The following PKHD1 variants were observed in gnomAD, a reference collection of about 807,000 sequenced individuals.
PKHD1 encodes PKHD1 ciliary IPT domain containing fibrocystin/polyductin.
In PKHD1, 291 loss-of-function variants were observed where a neutral mutation model predicts 412.0. That is an observed-to-expected ratio of 0.71 (90% CI 0.64 to 0.78). PKHD1 has a LOEUF of 0.78. Among genes scored for constraint, PKHD1 ranks in the 30% least tolerant of loss-of-function variants. The probability of loss-of-function intolerance (pLI) is 0.00; values close to 1 mark genes in which losing one functional copy is unlikely to be tolerated. For synonymous variants in PKHD1, 1,777 were observed against 1,821.5 expected (o/e 0.98, Z 0.62); for missense variants, 4,825 against 4,950.7 (o/e 0.97, Z 0.76).
In PKHD1 at chr6:51,617,007, A is replaced by G. The variant is rs988310320; in HGVS notation, c.*2074T>C. ...GGGCTGTGTTAACTTCATAGTAACTATAGGATAACCTACTGGATATTCTCA... is the reference window on the plus strand; with the variant it reads ...GGGCTGTGTTAACTTCATAGTAACTGTAGGATAACCTACTGGATATTCTCA... On this transcript the variant is annotated 3_prime_UTR_variant, in exon 67 of 67. Transcript: ENST00000371117. The G allele has an allele frequency of 3.8e-5, 10 of 262,846 alleles. No homozygotes were observed. In the Admixed American group the frequency reaches 4.3e-4, roughly 11 times the overall value. The allele number at this position is 262,846 out of a possible 1,614,324, so 16.3% of individuals were successfully genotyped here.
intron 33 of PKHD1, among the ~76,000 whole-genome samples, chr6:52,022,202 T>C (rs1010059013): frequency 6.6e-6 from 1 of 152,148 alleles, no homozygotes; most frequent in Admixed American, 6.5e-5. Flanking sequence ...TACCACAATT[T>C]ATATGATCAC....
chr6:51,909,563 C>T (rs919274326), intron 39 of PKHD1, 89 bp from the exon 40 acceptor site: 34 of 942,538 alleles, frequency 3.6e-5, no homozygotes, highest in Non-Finnish European at 5.6e-5. Flanking sequence ...CTGTCAGCAC[C>T]GAGGAAAAAC....
At chr6:51,748,707 A>G in intron 57 of PKHD1, 42 bp from the exon 58 acceptor site, 1 of 1,586,722 alleles carries the variant, frequency 6.3e-7, no homozygotes, top group Non-Finnish European at 8.7e-7. Flanking sequence ...CCTCTTCCCC[A>G]CAAAAGGCTG....
chr6:51,820,280 C>T (rs1766171311), intron 52 of PKHD1, among the ~76,000 whole-genome samples: 1 of 152,166 alleles, frequency 6.6e-6, no homozygotes, highest in Non-Finnish European at 1.5e-5. Context: ...CTTCAAAATC[C>T]AAGAACATTA....
intron 60 of PKHD1, chr6:51,721,373 ATAT>A (rs1232079729): frequency 7.2e-5 from 33 of 461,516 alleles, no homozygotes; most frequent in East Asian, 4.7e-4. Context: ...CTATATTATT[ATAT>A]TATTAATATA....
rs1266883 is a variant in PKHD1 at position 51,924,999 on chromosome 6, T to A, written c.6121+9111A>T. ...CTTAAAATAATGTCCGTTTTATAGA[T>A]GTGGGAACTGAAACACTGGGGAGTT... On this transcript the variant is annotated intron_variant, in intron 37 of 66. Transcript: ENST00000371117. Among the ~76,000 whole-genome samples the A allele has an allele frequency of 3.6e-3, 545 of 152,366 alleles. 1 individual carries two copies. Among genetic ancestry groups the A allele is most frequent in the African/African-American group, 0.013 (521 of 41,580 alleles).
At position 52,029,539 on chromosome 6, in the gene PKHD1, T is replaced by C. The variant is rs1032308813; in HGVS notation, c.3365-1188A>G. ...GCTCAAATCAGAGCAACATTATGAATATCAGGAAAGATGGAATGGGCAAGA... is the reference window on the plus strand; with the variant it reads ...GCTCAAATCAGAGCAACATTATGAACATCAGGAAAGATGGAATGGGCAAGA... On this transcript the variant is annotated intron_variant, in intron 29 of 66. Coordinates refer to ENST00000371117, the MANE Select transcript of PKHD1 (RefSeq NM_138694.4). Among the ~76,000 whole-genome samples, 5 of 152,282 alleles carry C rather than the reference T, an allele frequency of 3.3e-5. No homozygotes were observed. In the South Asian group the frequency reaches 6.2e-4, roughly 19 times the overall value.
rs142092457 is a variant in PKHD1, at chr6:51,704,170, A to G, written c.10156+40215T>C. Among the ~76,000 whole-genome samples the G allele has an allele frequency of 2.4e-4, 37 of 152,174 alleles. No individual in the cohort carries two copies. The East Asian group carries it at 6.4e-3, about 26-fold the overall frequency. ...TTCTGGCATGCAATCTATTTTCTAGATTGGTAAATAAAGCATAGACACCCA... is the reference window on the plus strand; with the variant it reads ...TTCTGGCATGCAATCTATTTTCTAGGTTGGTAAATAAAGCATAGACACCCA... On this transcript the variant is annotated intron_variant, in intron 60 of 66. Coordinates refer to ENST00000371117, the MANE Select transcript of PKHD1 (RefSeq NM_138694.4).
chr6:51,748,099 C>T lies in PKHD1; in HGVS notation c.9517G>A (p.Val3173Ile), dbSNP rs1257306120. Reference sequence around the variant, plus strand: ...GCCAAAAGACCAATAGTATTGTCTACCAGAGTAATGTTCTCTATCTCCACG... The same window carrying T: ...GCCAAAAGACCAATAGTATTGTCTATCAGAGTAATGTTCTCTATCTCCACG... ...NSVEIENITL[V>I]DNTIGLLAVV... Residue 3173 changes from valine (V) to isoleucine (I), a missense_variant, in exon 58 of 67, where the codon GTA becomes ATA. Transcript: ENST00000371117. 1 of 1,613,710 alleles carries T rather than the reference C, an allele frequency of 6.2e-7. No individual in the cohort carries two copies. Among genetic ancestry groups the T allele is most frequent in the East Asian group, 2.2e-5 (1 of 44,882 alleles).
intron 46 of PKHD1, among the ~76,000 whole-genome samples, chr6:51,872,556 T>C (rs903325977): frequency 1.1e-4 from 16 of 152,208 alleles, no homozygotes; most frequent in Admixed American, 5.9e-4. Context: ...CTACAGGTGC[T>C]TGCCACCACA....
At chr6:52,034,252 A>G (rs186814543) in intron 28 of PKHD1, among the ~76,000 whole-genome samples, 1 of 151,820 alleles carries the variant, frequency 6.6e-6, no homozygotes, top group Admixed American at 6.6e-5. Flanking sequence ...AAATAGTTAG[A>G]ATAATATAAA....
At chr6:51,981,593 G>T (rs1795310484) in intron 35 of PKHD1, among the ~76,000 whole-genome samples, 1 of 129,906 alleles carries the variant, frequency 7.7e-6, no homozygotes, top group African/African-American at 2.5e-5. Flanking sequence ...TGCCGGGATT[G>T]CGGACGGAGT....
At chr6:51,823,534 C>T (rs937307207) in intron 52 of PKHD1, among the ~76,000 whole-genome samples, 2 of 152,138 alleles carry the variant, frequency 1.3e-5, no homozygotes, top group African/African-American at 2.4e-5. Flanking sequence ...GCCTACCTGA[C>T]TTTGGATCCC....
intron 47 of PKHD1, among the ~76,000 whole-genome samples, chr6:51,870,151 A>G (rs1331211100): frequency 6.6e-6 from 1 of 152,166 alleles, no homozygotes; most frequent in Non-Finnish European, 1.5e-5. Flanking sequence ...CCATTCTTTC[A>G]TTTAATCAAT....
chr6:51,695,898 A>G (rs1778745853), intron 60 of PKHD1, among the ~76,000 whole-genome samples: 1 of 152,190 alleles, frequency 6.6e-6, no homozygotes. Context: ...TACGAAGAGC[A>G]GAAGAAAAAT....
intron 61 of PKHD1, among the ~76,000 whole-genome samples, chr6:51,657,506 G>C (rs1416222197): frequency 6.6e-6 from 1 of 152,116 alleles, no homozygotes; most frequent in East Asian, 1.9e-4. Flanking sequence ...AAGAAAAAGA[G>C]AGAGAGATAG....
chr6:52,009,918 T>G (rs1799592633), intron 35 of PKHD1, among the ~76,000 whole-genome samples: 1 of 151,812 alleles, frequency 6.6e-6, no homozygotes, highest in Non-Finnish European at 1.5e-5. Flanking sequence ...GACATTGCTG[T>G]CCCGCCAAGC....
intron 66 of PKHD1, among the ~76,000 whole-genome samples, chr6:51,623,074 T>C (rs1766826842): frequency 6.6e-6 from 1 of 152,090 alleles, no homozygotes; most frequent in Non-Finnish European, 1.5e-5. Flanking sequence ...ATTTCCACTA[T>C]CATAAAATCT....
chr6:51,736,142 C>T (rs1352793853), intron 60 of PKHD1, among the ~76,000 whole-genome samples: 2 of 152,052 alleles, frequency 1.3e-5, no homozygotes, highest in Non-Finnish European at 2.9e-5. Flanking sequence ...ATATGGTGGA[C>T]ACTCAGCAAG....
Sources: gnomAD v4.1 joint callset for allele counts (sites outside exome capture counted in the v4.1 genomes callset) on GRCh38, gnomAD v4.1.1 for gene constraint, MANE v1.5 for transcripts, NCBI Gene and HGNC (gene_info 2026-07-23, HGNC 2026-07-21) for gene names.